KLRF1: variants seen among roughly 807,000 people sequenced by gnomAD.
KLRF1 encodes killer cell lectin like receptor F1, also known as killer cell lectin-like receptor subfamily F member 1.
A neutral mutation model predicts 30.7 loss-of-function variants in KLRF1; 27 were observed. The observed-to-expected ratio is 0.88, with a 90% CI of 0.65 to 1.21. The LOEUF is 1.21. Ranked by LOEUF, KLRF1 falls within the 50% of genes most tolerant of loss-of-function variation. KLRF1 has a pLI of 0.00. For synonymous variants in KLRF1, 92 were observed against 89.3 expected (o/e 1.03, Z -0.17); for missense variants, 246 against 259.3 (o/e 0.95, Z 0.35).
At chr12:9,807,978 A>G in the KLRF1 span, among the ~76,000 whole-genome samples, 1 of 152,166 alleles carries the variant, frequency 6.6e-6, no homozygotes, top group East Asian at 1.9e-4. Flanking sequence ...GGACATTTCA[A>G]CTTACAGTAC....
intron 1 of KLRF1, among the ~76,000 whole-genome samples, chr12:9,831,086 T>G (rs922720234): frequency 6.6e-6 from 1 of 152,040 alleles, no homozygotes; most frequent in Admixed American, 6.6e-5. Context: ...TCAGTCTGAG[T>G]TGAATTTCAA....
At chr12:9,828,197 A>G (rs111808310) in intron 1 of KLRF1, among the ~76,000 whole-genome samples, 2,111 of 151,808 alleles carry the variant, frequency 0.014, 43 homozygotes, top group African/African-American at 0.048. Context: ...CTCCTGCCTC[A>G]GCCTCCTGAG....
At chr12:9,810,790 T>C in the KLRF1 span, among the ~76,000 whole-genome samples, 2 of 152,224 alleles carry the variant, frequency 1.3e-5, no homozygotes, top group African/African-American at 2.4e-5. Context: ...GAATTTTTTT[T>C]ATGAAGTGAC....
At chr12:9,806,726 G>T in the KLRF1 span, among the ~76,000 whole-genome samples, 1 of 152,020 alleles carries the variant, frequency 6.6e-6, no homozygotes, top group Admixed American at 6.6e-5. Flanking sequence ...CTGTTGCCCA[G>T]ACTGGAGTAC....
intron 3 of KLRF1, 80 bp downstream of exon 3, chr12:9,833,532 A>G: frequency 8.2e-7 from 1 of 1,214,874 alleles, no homozygotes. Flanking sequence ...ACAGGTATGC[A>G]ATAGATTAAA....
chr12:9,807,970 A>G, the KLRF1 span, among the ~76,000 whole-genome samples: 7 of 152,120 alleles, frequency 4.6e-5, no homozygotes, highest in African/African-American at 1.7e-4. Context: ...GTGGGTTGGG[A>G]CATTTCAACT....
chr12:9,842,567 A>T lies in KLRF1; in HGVS notation c.587+134A>T, dbSNP rs774853669. 1.2e-4 allele frequency: 86 copies of T among 707,066 alleles called. 1 individual carries two copies. In the African/African-American group the frequency reaches 1.3e-3, roughly 11 times the overall value. 43.8% of individuals were successfully genotyped at this position (707,066 alleles called of 1,614,324 possible). ...AAGAATGAAAATTAATTTAGTATTT[A>T]CAGGAGTAATGATGGATAGTTTGAT... is the stretch of plus-strand genomic sequence containing the variant. On this transcript the variant is annotated intron_variant, in intron 5 of 5. Transcript: ENST00000617889.
intron 3 of KLRF1, among the ~76,000 whole-genome samples, chr12:9,837,636 T>A (rs1867608544): frequency 6.6e-6 from 1 of 152,148 alleles, no homozygotes; most frequent in Non-Finnish European, 1.5e-5. Flanking sequence ...TTTCAGTCAG[T>A]CCTATTGTTT....
intron 3 of KLRF1, 29 bp downstream of exon 3, chr12:9,833,481 G>A: frequency 1.3e-6 from 2 of 1,556,554 alleles, no homozygotes; most frequent in Non-Finnish European, 1.7e-6. Context: ...GCTTATCCTA[G>A]TTTTAATCTT....
chr12:9,828,461 G>T (rs1376660134), intron 1 of KLRF1, among the ~76,000 whole-genome samples: 7 of 152,070 alleles, frequency 4.6e-5, no homozygotes, highest in Admixed American at 6.5e-5. Context: ...TTATACACCA[G>T]CAATCAACAT....
chr12:9,805,009 C>T, the KLRF1 span, among the ~76,000 whole-genome samples: 2 of 151,716 alleles, frequency 1.3e-5, no homozygotes, highest in East Asian at 1.9e-4. Context: ...TTGTTTGATT[C>T]AATTTGCTAA....
the KLRF1 span, among the ~76,000 whole-genome samples, chr12:9,816,446 C>A: frequency 1.3e-5 from 2 of 152,110 alleles, no homozygotes; most frequent in Non-Finnish European, 2.9e-5. Flanking sequence ...AAACTGAATC[C>A]CACACTTGCA....
intron 1 of KLRF1, among the ~76,000 whole-genome samples, chr12:9,828,595 G>C (rs898339143): frequency 6.6e-6 from 1 of 152,134 alleles, no homozygotes; most frequent in Admixed American, 6.5e-5. Context: ...TATAGAGACT[G>C]TCTGTTCTGT....
At chr12:9,801,608 G>A in the KLRF1 span, among the ~76,000 whole-genome samples, 2 of 152,052 alleles carry the variant, frequency 1.3e-5, no homozygotes, top group African/African-American at 2.4e-5. Context: ...GTGATGTTGA[G>A]CTTTTTTTCA....
chr12:9,813,057 A>G, the KLRF1 span, among the ~76,000 whole-genome samples: 1 of 152,180 alleles, frequency 6.6e-6, no homozygotes, highest in African/African-American at 2.4e-5. Context: ...GCTTGGGGGA[A>G]TATCCTTGCA....
chr12:9,820,416 C>T, the KLRF1 span, among the ~76,000 whole-genome samples: 1 of 152,188 alleles, frequency 6.6e-6, no homozygotes. Context: ...CCAGCCACCC[C>T]CTGCTGTGGC....
the KLRF1 span, among the ~76,000 whole-genome samples, chr12:9,820,043 G>A: frequency 1.3e-5 from 2 of 152,188 alleles, no homozygotes; most frequent in Non-Finnish European, 2.9e-5. Context: ...CAGCACAGCT[G>A]CTTTACAAGA....
chr12:9,827,775 C>A, intron 1 of KLRF1, 146 bp downstream of exon 1: 1 of 472,942 alleles, frequency 2.1e-6, no homozygotes, highest in African/African-American at 2.0e-5. Flanking sequence ...TCCTCTCTTT[C>A]AATATTAATA....
intron 1 of KLRF1, among the ~76,000 whole-genome samples, chr12:9,829,253 C>T (rs919879987): frequency 7.9e-5 from 12 of 152,072 alleles, no homozygotes; most frequent in East Asian, 7.7e-4. Flanking sequence ...AAATGTTTTG[C>T]GGTTTTAAAA....
Sources: gnomAD v4.1 joint callset for allele counts (sites outside exome capture counted in the v4.1 genomes callset) on GRCh38, gnomAD v4.1.1 for gene constraint, MANE v1.5 for transcripts, NCBI Gene and HGNC (gene_info 2026-07-23, HGNC 2026-07-21) for gene names.